FSTL3: variants seen among roughly 807,000 people sequenced by gnomAD.
FSTL3 encodes follistatin-related protein 3.
A neutral mutation model predicts 28.1 loss-of-function variants in FSTL3; 21 were observed. The ratio of observed to expected loss-of-function variants is 0.75; its 90% confidence interval spans 0.53 to 1.08. The LOEUF is 1.08. Ranked by LOEUF, FSTL3 falls within the 50% of genes least tolerant of loss-of-function variation. The pLI, the probability that FSTL3 is intolerant of heterozygous loss-of-function variation, is 0.00. For synonymous variants in FSTL3, 199 were observed against 164.2 expected (o/e 1.21, Z -1.62); for missense variants, 400 against 380.9 (o/e 1.05, Z -0.42).
At chr19:678,007 C>T (rs752912256) in intron 2 of FSTL3, 30 bp downstream of exon 2, 12 of 1,597,642 alleles carry the variant, frequency 7.5e-6, no homozygotes, top group African/African-American at 1.3e-5. Context: ...GCAGGGCAGA[C>T]GTCTCAGCTC....
chr19:678,099 C>A, intron 2 of FSTL3, 122 bp downstream of exon 2: 3 of 879,814 alleles, frequency 3.4e-6, no homozygotes, highest in Non-Finnish European at 5.2e-6. Context: ...TAGGAGGCTG[C>A]AGGGGGATCC....
chr19:680,118 A>C, intron 2 of FSTL3, 156 bp from the exon 3 acceptor site: 4 of 334,796 alleles, frequency 1.2e-5, no homozygotes, highest in Admixed American at 5.0e-5. Context: ...GCCCCTGGGA[A>C]CCCGAGGGCC....
rs529066927 is a variant in FSTL3, at chr19:683,110, G to A, written c.*1402G>A. On this transcript the variant is annotated 3_prime_UTR_variant, in exon 5 of 5. Transcript: ENST00000166139. ...ACGGCTCACCCTCCCCTCCATCTGC[G>A]TTGATGCTCAGAATCGCCTACCTGT... is the stretch of plus-strand genomic sequence containing the variant. The A allele has an allele frequency of 2.6e-5, 6 of 233,164 alleles. No individual in the cohort carries two copies. The highest frequency in any genetic ancestry group is 1.3e-3 in the Middle Eastern group (1 of 788). The allele number at this position is 233,164 out of a possible 1,614,324, so 14.4% of individuals were successfully genotyped here. A position where few individuals can be genotyped will look rare whatever the true frequency, so the allele number is the denominator to read the frequency against.
Position 676,398 on chromosome 19 carries a change from G to C in FSTL3, c.-26G>C, listed in dbSNP as rs781492233. 3 of 956,784 alleles carry C rather than the reference G, an allele frequency of 3.1e-6. No homozygotes were observed. Among genetic ancestry groups the C allele is most frequent in the Middle Eastern group, 4.1e-4 (1 of 2,460 alleles). 59.3% of individuals were successfully genotyped at this position (956,784 alleles called of 1,614,324 possible). A position where few individuals can be genotyped will look rare whatever the true frequency, so the allele number is the denominator to read the frequency against. On this transcript the variant is annotated 5_prime_UTR_variant, in exon 1 of 5. Coordinates refer to ENST00000166139, the MANE Select transcript of FSTL3 (RefSeq NM_005860.3). ...GCGCCGGCCGCGCGCTGGGAAGTCG[G>C]TGCCGCTGCCGTCTCTGCGTTCGCC...
chr19:681,314 C>G lies in FSTL3; in HGVS notation c.506-19C>G, dbSNP rs2031328205. On this transcript the variant is annotated intron_variant, in intron 3 of 4. Transcript: ENST00000166139. ...TCAGCGAGATGTCCCCTGAACTTCC[C>G]CTGGCACCCGGCCTGCAGAGTCCTG... The G allele has an allele frequency of 3.3e-6, 5 of 1,520,346 alleles. No homozygotes were observed. Among genetic ancestry groups the G allele is most frequent in the Non-Finnish European group, 4.4e-6 (5 of 1,134,350 alleles). 94.2% of individuals were successfully genotyped at this position (1,520,346 alleles called of 1,614,324 possible). A position where few individuals can be genotyped will look rare whatever the true frequency, so the allele number is the denominator to read the frequency against.
intron 2 of FSTL3, among the ~76,000 whole-genome samples, chr19:678,316 T>C (rs2031253373): frequency 6.6e-6 from 1 of 152,116 alleles, no homozygotes; most frequent in African/African-American, 2.4e-5. Flanking sequence ...TGACCCCAAA[T>C]GTCCACACCA....
intron 2 of FSTL3, 80 bp from the exon 3 acceptor site, chr19:680,194 A>C: frequency 4.6e-6 from 4 of 860,598 alleles, no homozygotes; most frequent in Non-Finnish European, 4.7e-6. Context: ...GGGCGCAGGG[A>C]GGGGCCCCGA....
intron 2 of FSTL3, among the ~76,000 whole-genome samples, chr19:678,887 C>A (rs2031268003): frequency 6.6e-6 from 1 of 151,894 alleles, no homozygotes; most frequent in Non-Finnish European, 1.5e-5. Context: ...CCAGATGGGG[C>A]CGGTATGGGA....
rs753964131 is a variant in FSTL3 at position 681,727 on chromosome 19, G to C, written c.*19G>C. On this transcript the variant is annotated 3_prime_UTR_variant, in exon 5 of 5. Transcript: ENST00000166139. ...CGTGTGAGCCTGCAGGACAGGCCTG[G>C]GCCTGGTGCCCGAGGCCCCCCATCA... 8.4e-6 allele frequency: 13 copies of C among 1,548,564 alleles called. No individual in the cohort carries two copies. Among genetic ancestry groups the C allele is most frequent in the Non-Finnish European group, 1.1e-5 (13 of 1,145,908 alleles).
At chr19:681,099 G>T (rs1185590527) in intron 3 of FSTL3, among the ~76,000 whole-genome samples, 1 of 150,348 alleles carries the variant, frequency 6.7e-6, no homozygotes, top group Non-Finnish European at 1.5e-5. Context: ...TAGCATAAGG[G>T]GCAGGAGCTC....
In FSTL3 at chr19:680,395, A is replaced by T; in HGVS notation, c.411A>T (p.Ser137=). 3.1e-6 allele frequency: 4 copies of T among 1,276,196 alleles called. No homozygotes were observed. Among genetic ancestry groups the T allele is most frequent in the Non-Finnish European group, 3.9e-6 (4 of 1,013,964 alleles). 79.1% of individuals were successfully genotyped at this position (1,276,196 alleles called of 1,614,324 possible). ...CGGCGCGGCTGCAGGTCTGCGGCTC[A>T]GACGGCGCCACCTACCGCGACGAGT... ...GLPARLQVCG[S]DGATYRDECE... is the part of the protein sequence containing the mutation. The change falls in exon 3 of 5, where the codon TCA becomes TCT. Residue 137 remains serine, a synonymous_variant. Transcript: ENST00000166139.
At position 682,880 on chromosome 19, in the gene FSTL3, G is replaced by A. The variant is rs35799448; in HGVS notation, c.*1172G>A. 0.075 allele frequency: 17,453 copies of A among 232,442 alleles called. 812 individuals carry two copies. Among genetic ancestry groups the A allele is most frequent in the South Asian group, 0.11 (620 of 5,522 alleles). The allele number at this position is 232,442 out of a possible 1,614,324, so 14.4% of individuals were successfully genotyped here. ...CAAGACTCACGCATGTGTGACATCC[G>A]GAGTCCTGGAGCCGGGTGTCCCAGT... On this transcript the variant is annotated 3_prime_UTR_variant, in exon 5 of 5. Transcript: ENST00000166139.
intron 1 of FSTL3, among the ~76,000 whole-genome samples, chr19:676,933 G>C (rs1420118082): frequency 6.6e-6 from 1 of 152,090 alleles, no homozygotes; most frequent in Non-Finnish European, 1.5e-5. Flanking sequence ...TCGGGAGCCA[G>C]GCCCTCCAGC....
Position 676,467 on chromosome 19 carries a change from G to T in FSTL3, c.44G>T (p.Gly15Val). ...APGPLWPLPW[G>V]ALAWAVGFVS... ...GGGCCACTCTGGCCTCTGCCCTGGG[G>T]GGCCCTGGCTTGGGCCGTGGGCTTC... The change falls in exon 1 of 5, where the codon GGG (glycine) becomes GTG (valine). Residue 15 changes from glycine (G) to valine (V), a missense_variant. Transcript: ENST00000166139. 2.5e-6 allele frequency: 3 copies of T among 1,209,334 alleles called. No individual in the cohort carries two copies. The highest frequency in any genetic ancestry group is 1.6e-5 in the African/African-American group (1 of 63,282). 74.9% of individuals were successfully genotyped at this position (1,209,334 alleles called of 1,614,324 possible).
intron 2 of FSTL3, chr19:680,018 C>T: frequency 5.0e-6 from 1 of 199,542 alleles, no homozygotes; most frequent in Non-Finnish European, 9.8e-6. Flanking sequence ...CCCGCCCCGG[C>T]CCGCGCGCAC....
chr19:680,603 G>A (rs1328845075), intron 3 of FSTL3, 114 bp downstream of exon 3: 3 of 576,486 alleles, frequency 5.2e-6, no homozygotes, highest in African/African-American at 3.9e-5. Context: ...GGGACCACCC[G>A]GACCTGAGCG....
At chr19:677,429 G>A (rs1222350656) in intron 1 of FSTL3, among the ~76,000 whole-genome samples, 7 of 152,200 alleles carry the variant, frequency 4.6e-5, no homozygotes, top group African/African-American at 1.2e-4. Flanking sequence ...CGGGAGAAGC[G>A]GCTCCAGGGC....
Position 676,537 on chromosome 19 carries a change from C to T in FSTL3, c.103+11C>T, listed in dbSNP as rs916715766. 2.9e-5 allele frequency: 21 copies of T among 720,912 alleles called. No individual in the cohort carries two copies. The highest frequency in any genetic ancestry group is 3.5e-5 in the Non-Finnish European group (20 of 568,442). The allele number at this position is 720,912 out of a possible 1,614,324, so 44.7% of individuals were successfully genotyped here. A position where few individuals can be genotyped will look rare whatever the true frequency, so the allele number is the denominator to read the frequency against. ...GGAACCCCGCGCCCGGTGAGTGGGG[C>T]GGCCAGAGGGGCGGGCGGGGCGGGC... On this transcript the variant is annotated intron_variant, in intron 1 of 4. Transcript: ENST00000166139.
At position 681,374 on chromosome 19, in the gene FSTL3, G is replaced by A; in HGVS notation, c.547G>A (p.Val183Ile). 6.3e-7 allele frequency: 1 copy of A among 1,589,816 alleles called. No homozygotes were observed. Residue 183 changes from valine (V) to isoleucine (I), a missense_variant, in exon 4 of 5, where the codon GTC becomes ATC. By Grantham distance (29) the Val-to-Ile change is conservative. Transcript: ENST00000166139. Reference protein sequence around the residue: ...HVVCPRPQSCVVDQTGSAHCV... With the variant: ...HVVCPRPQSCIVDQTGSAHCV... ...GGTGTGCCCGCGGCCACAGTCGTGCGTCGTGGACCAGACGGGCAGCGCCCA... is the reference window on the plus strand; with the variant it reads ...GGTGTGCCCGCGGCCACAGTCGTGCATCGTGGACCAGACGGGCAGCGCCCA...
Sources: gnomAD v4.1 joint callset for allele counts (sites outside exome capture counted in the v4.1 genomes callset) on GRCh38, gnomAD v4.1.1 for gene constraint, MANE v1.5 for transcripts, NCBI Gene and HGNC (gene_info 2026-07-23, HGNC 2026-07-21) for gene names.